Variants in ISG20 observed in about 807,000 individuals in gnomAD.
ISG20 encodes interferon-stimulated gene 20 kDa protein.
ISG20 carries 8 observed loss-of-function variants against 11.1 expected under a neutral mutation model. The ratio of observed to expected loss-of-function variants is 0.72; its 90% CI spans 0.42 to 1.30. ISG20 has a LOEUF of 1.30. Among genes scored for constraint, ISG20 ranks in the 50% most tolerant of loss-of-function variants. The pLI is 0.01. For synonymous variants in ISG20, 110 were observed against 101.7 expected (o/e 1.08, Z -0.49); for missense variants, 243 against 250.2 (o/e 0.97, Z 0.19).
At chr15:88,636,480 T>G (rs2057987158), upstream of ISG20, among the ~76,000 whole-genome samples, 1 of 152,124 alleles carries the variant, frequency 6.6e-6, no homozygotes, top group Non-Finnish European at 1.5e-5. Flanking sequence ...GAACAGTAAA[T>G]GAACAAGTAA....
Position 88,640,031 on chromosome 15 carries a change from T to C in ISG20, c.228+437T>C, listed in dbSNP as rs1050652575. 3.3e-5 allele frequency among the ~76,000 whole-genome samples: 5 copies of C among 152,210 alleles called. No individual in the cohort carries two copies. The East Asian group carries it at 9.6e-4, about 29-fold the overall frequency. On this transcript the variant is annotated intron_variant, in intron 2 of 3. Coordinates refer to ENST00000306072, the MANE Select transcript of ISG20 (RefSeq NM_002201.6). The stretch of plus-strand genomic sequence containing the variant: ...CTGAGCCTCGGGCTGAGGACCTTGC[T>C]CTCAGGCTAGCATTCTGACCCAGAG...
chr15:88,656,063 G>A lies in ISG20; in HGVS notation c.*532G>A, dbSNP rs1370707096. The A allele has an allele frequency of 6.6e-6, 1 of 152,390 alleles. No individual in the cohort carries two copies. The highest frequency in any genetic ancestry group is 1.5e-5 in the Non-Finnish European group (1 of 68,168). The allele number at this position is 152,390 out of a possible 1,614,324, so 9.4% of individuals were successfully genotyped here. On this transcript the variant is annotated 3_prime_UTR_variant, in exon 4 of 4. Transcript: ENST00000306072. ...AATGAGGAAGGAAAGGTAACAAACTGTGGAGTCAGAGAGAAGTAGGTTGGA... is the reference window on the plus strand; with the variant it reads ...AATGAGGAAGGAAAGGTAACAAACTATGGAGTCAGAGAGAAGTAGGTTGGA...
At chr15:88,640,654 A>G (rs1301505806) in intron 2 of ISG20, among the ~76,000 whole-genome samples, 3 of 152,154 alleles carry the variant, frequency 2.0e-5, no homozygotes, top group Non-Finnish European at 2.9e-5. Context: ...GAGTGCCTAA[A>G]TAGGTACTCA....
At chr15:88,646,456 C>T (rs1448446179) in intron 2 of ISG20, among the ~76,000 whole-genome samples, 1 of 152,132 alleles carries the variant, frequency 6.6e-6, no homozygotes, top group Non-Finnish European at 1.5e-5. Context: ...TCTATAAATG[C>T]TAAGTGTCCA....
chr15:88,651,140 G>A, intron 2 of ISG20: 1 of 921,954 alleles, frequency 1.1e-6, no homozygotes, highest in Non-Finnish European at 1.3e-6. Flanking sequence ...TGCAATGGGA[G>A]GGGAGTTTGA....
chr15:88,650,271 A>C lies in ISG20; in HGVS notation c.229-1839A>C. ...ATCCTCTCCAACGGCAGCTGAGTGA[A>C]AGCAAGCTGACTGGCCTGTGTGACC... is the stretch of plus-strand genomic sequence containing the variant. On this transcript the variant is annotated intron_variant, in intron 2 of 3. Coordinates refer to ENST00000306072, the MANE Select transcript of ISG20 (RefSeq NM_002201.6). This position sits in a 1 kb window ranked among gnomAD's most constrained non-coding sequence, Gnocchi z 4.0. The C allele has an allele frequency of 2.0e-6, 3 of 1,535,686 alleles. No homozygotes were observed. Among genetic ancestry groups the C allele is most frequent in the Non-Finnish European group, 2.6e-6 (3 of 1,146,894 alleles).
chr15:88,645,728 C>T (rs531325604), intron 2 of ISG20, among the ~76,000 whole-genome samples: 1 of 152,248 alleles, frequency 6.6e-6, no homozygotes, highest in Non-Finnish European at 1.5e-5. Flanking sequence ...ATTCTGGCAG[C>T]CCCAGGCCAG....
upstream of ISG20, among the ~76,000 whole-genome samples, chr15:88,635,917 C>G (rs1002823184): frequency 2.6e-5 from 4 of 152,274 alleles, no homozygotes; most frequent in South Asian, 4.1e-4. Flanking sequence ...GAAAAAAAAT[C>G]TGCATGTAAG....
At chr15:88,645,835 A>G (rs368624940) in intron 2 of ISG20, among the ~76,000 whole-genome samples, 67 of 152,286 alleles carry the variant, frequency 4.4e-4, no homozygotes, top group Non-Finnish European at 8.1e-4. Flanking sequence ...GATGCACATC[A>G]TAGCTCGTCC....
chr15:88,651,982 C>T (rs1183908026), intron 2 of ISG20, 128 bp from the exon 3 acceptor site: 38 of 1,502,640 alleles, frequency 2.5e-5, no homozygotes, highest in Non-Finnish European at 3.4e-5. Context: ...ACATTTGAAG[C>T]CCAGGGAGGA....
chr15:88,646,153 C>G (rs2058168734), intron 2 of ISG20, among the ~76,000 whole-genome samples: 1 of 152,184 alleles, frequency 6.6e-6, no homozygotes, highest in African/African-American at 2.4e-5. Context: ...TCTGTGTCCT[C>G]TAGCTTGTTG....
chr15:88,653,339 CT>C (rs2058319126), intron 3 of ISG20, among the ~76,000 whole-genome samples: 1 of 152,082 alleles, frequency 6.6e-6, no homozygotes, highest in Admixed American at 6.5e-5. Flanking sequence ...CCTGGAGGGT[CT>C]TAGTCAAGGA....
chr15:88,651,255 G>T, intron 2 of ISG20: 2 of 985,418 alleles, frequency 2.0e-6, no homozygotes, highest in Non-Finnish European at 2.4e-6. Flanking sequence ...TATTTCCTTT[G>T]TAAAACTCAG....
At chr15:88,638,186 G>A (rs746776176), upstream of ISG20, among the ~76,000 whole-genome samples, 7 of 152,228 alleles carry the variant, frequency 4.6e-5, no homozygotes, top group African/African-American at 9.6e-5. Flanking sequence ...GGAGGCAAGC[G>A]TGGGTAACGC....
intron 2 of ISG20, among the ~76,000 whole-genome samples, chr15:88,640,755 G>A (rs190749986): frequency 1.2e-3 from 186 of 152,086 alleles, no homozygotes; most frequent in African/African-American, 4.4e-3. Flanking sequence ...CTTGAGCTCA[G>A]GAGTTCAAGA....
upstream of ISG20, among the ~76,000 whole-genome samples, chr15:88,635,639 A>C (rs2057974273): frequency 6.6e-6 from 1 of 152,254 alleles, no homozygotes; most frequent in African/African-American, 2.4e-5. Context: ...TTCAGACTGC[A>C]TCCCGACATT....
At chr15:88,651,275 G>A in intron 2 of ISG20, 1 of 985,408 alleles carries the variant, frequency 1.0e-6, no homozygotes. Flanking sequence ...GTTAAATGCA[G>A]TGCTCCCTCC....
chr15:88,637,642 T>C (rs566598957), upstream of ISG20, among the ~76,000 whole-genome samples: 1 of 151,990 alleles, frequency 6.6e-6, no homozygotes, highest in East Asian at 1.9e-4. Flanking sequence ...AGGAGTGGGA[T>C]GTGTTCTGAC....
chr15:88,651,952 CTCT>C, intron 2 of ISG20, 155 bp from the exon 3 acceptor site: 1 of 1,450,752 alleles, frequency 6.9e-7, no homozygotes, highest in Non-Finnish European at 9.1e-7. Flanking sequence ...CTAGTGCAAT[CTCT>C]TCTTTTCAAA....
Sources: allele counts gnomAD v4.1 joint callset (sites outside exome capture counted in the v4.1 genomes callset), GRCh38; gene constraint gnomAD v4.1.1; non-coding constraint Gnocchi (gnomAD v3.1); transcripts MANE v1.5; gene names NCBI Gene and HGNC (gene_info 2026-07-23, HGNC 2026-07-21).